Variants in ST18 observed in about 807,000 individuals in gnomAD.
ST18 encodes the protein ST18 C2H2C-type zinc finger transcription factor.
ST18 carries 50 observed loss-of-function variants against 110.0 expected under a neutral mutation model. The observed-to-expected ratio is 0.45, with a 90% CI of 0.36 to 0.58. The LOEUF (loss-of-function observed/expected upper bound fraction) is 0.58, where lower values mean the gene tolerates loss of function less well. ST18 is among the 20% of genes least tolerant of loss of function. ST18 has a pLI of 0.00. For missense variants in ST18, 1,306 were observed against 1,280.1 expected (o/e 1.02, Z -0.31); for synonymous variants, 461 against 452.4 (o/e 1.02, Z -0.24).
intron 2 of ST18, among the ~76,000 whole-genome samples, chr8:52,369,731 A>T (rs1047396589): frequency 2.8e-4 from 42 of 152,244 alleles, no homozygotes; most frequent in African/African-American, 9.9e-4. Context: ...ACATAAACGT[A>T]TTGATTCCAG....
intron 2 of ST18, among the ~76,000 whole-genome samples, chr8:52,247,704 C>T (rs2138069199): frequency 6.6e-6 from 1 of 152,274 alleles, no homozygotes; most frequent in East Asian, 1.9e-4. Flanking sequence ...GAACTAGTTG[C>T]ACAACTGCCT....
chr8:52,169,916 A>T (rs540858875), intron 10 of ST18, among the ~76,000 whole-genome samples: 1 of 152,328 alleles, frequency 6.6e-6, no homozygotes, highest in Non-Finnish European at 1.5e-5. Context: ...CAATTGGCCC[A>T]AATGTTTACA....
chr8:52,375,815 GCCGCAGGTCTTCACCAGCTCCC>G (rs375273718), intron 2 of ST18, among the ~76,000 whole-genome samples: 2,641 of 152,230 alleles, frequency 0.017, 79 homozygotes, highest in African/African-American at 0.06. Context: ...CCCGGACTGA[GCCGCAGGTCTTCACCAGCTCCC>G]CCGCAGCTCT....
At chr8:52,211,765 G>A (rs2082250361) in intron 8 of ST18, among the ~76,000 whole-genome samples, 1 of 152,160 alleles carries the variant, frequency 6.6e-6, no homozygotes, top group African/African-American at 2.4e-5. Flanking sequence ...CTGACCATCA[G>A]TGTGAAATCC....
chr8:52,150,875 G>T (rs2058647321), intron 15 of ST18: 1 of 152,154 alleles, frequency 6.6e-6, no homozygotes, highest in South Asian at 2.1e-4. Flanking sequence ...CCAGCAAACT[G>T]CTCACGTGCC....
chr8:52,371,100 T>C (rs1037017022), intron 2 of ST18, among the ~76,000 whole-genome samples: 1 of 152,206 alleles, frequency 6.6e-6, no homozygotes, highest in African/African-American at 2.4e-5. Context: ...ACTGGTATCC[T>C]ATTGTTTAAC....
At chr8:52,268,160 C>G (rs539755292) in intron 2 of ST18, among the ~76,000 whole-genome samples, 9 of 152,316 alleles carry the variant, frequency 5.9e-5, no homozygotes, top group Middle Eastern at 3.4e-3. Flanking sequence ...GAATCCTCAT[C>G]CTTCTTTATC....
At chr8:52,356,116 G>A (rs1020372068) in intron 2 of ST18, among the ~76,000 whole-genome samples, 1 of 152,156 alleles carries the variant, frequency 6.6e-6, no homozygotes, top group African/African-American at 2.4e-5. Flanking sequence ...AGAGTTGGAT[G>A]TATGTTCTGA....
Position 52,118,592 on chromosome 8 carries a change from T to C in ST18, c.2756-151A>G, listed in dbSNP as rs756102860. The C allele has an allele frequency of 1.6e-4, 84 of 512,762 alleles. 1 individual carries two copies. The highest frequency in any genetic ancestry group is 2.5e-4 in the Non-Finnish European group (74 of 297,006). 31.8% of individuals were successfully genotyped at this position (512,762 alleles called of 1,614,324 possible). Reference sequence around the variant, plus strand: ...ATATCTAGGATTCTGAAAAAGTGGATAAGAGAAGTTACAGATTTAATTTAT... The same window carrying C: ...ATATCTAGGATTCTGAAAAAGTGGACAAGAGAAGTTACAGATTTAATTTAT... On this transcript the variant is annotated intron_variant, in intron 23 of 25. Transcript: ENST00000689386.
intron 2 of ST18, among the ~76,000 whole-genome samples, chr8:52,364,621 A>G (rs948623920): frequency 6.6e-6 from 1 of 152,186 alleles, no homozygotes; most frequent in African/African-American, 2.4e-5. Context: ...ACCAACATGT[A>G]TTTTTCACTA....
chr8:52,304,625 T>C (rs934247551), intron 2 of ST18, among the ~76,000 whole-genome samples: 1 of 152,244 alleles, frequency 6.6e-6, no homozygotes, highest in Non-Finnish European at 1.5e-5. Context: ...TTGTTGGATT[T>C]AGGATGATTT....
Position 52,149,877 on chromosome 8 carries a change from G to C in ST18, c.1907C>G (p.Ser636Cys). 6.2e-7 allele frequency: 1 copy of C among 1,614,190 alleles called. No individual in the cohort carries two copies. The highest frequency in any genetic ancestry group is 8.5e-7 in the Non-Finnish European group (1 of 1,180,040). The change falls in exon 16 of 26, where the codon TCT (serine) becomes TGT (cysteine). Residue 636 changes from serine (S) to cysteine (C), a missense_variant. Transcript: ENST00000689386. ...KSAPLTSSNT[S>C]IPTPSSSPFK... ...TGGGGAAGAGGAAGGAGTTGGAATA[G>C]AAGTGTTAGAGGAAGTTAGGGGTGC...
intron 10 of ST18, among the ~76,000 whole-genome samples, chr8:52,170,564 ATT>A (rs1389705016): frequency 6.6e-6 from 1 of 152,058 alleles, no homozygotes; most frequent in Non-Finnish European, 1.5e-5. Flanking sequence ...GATTTCGGGA[ATT>A]TTGAGTAAAT....
chr8:52,273,957 A>G (rs1437863291), intron 2 of ST18, among the ~76,000 whole-genome samples: 3 of 152,224 alleles, frequency 2.0e-5, no homozygotes, highest in Non-Finnish European at 4.4e-5. Flanking sequence ...AATGCTTCAG[A>G]TGAGTTCAGC....
chr8:52,339,873 C>A (rs1268910808), intron 2 of ST18, among the ~76,000 whole-genome samples: 1 of 152,210 alleles, frequency 6.6e-6, no homozygotes, highest in African/African-American at 2.4e-5. Flanking sequence ...TCTTCCCACG[C>A]CTATTAAGTT....
chr8:52,177,540 G>C (rs912260855), intron 9 of ST18, among the ~76,000 whole-genome samples: 2 of 152,092 alleles, frequency 1.3e-5, no homozygotes, highest in African/African-American at 2.4e-5. Context: ...CCTAGGGGGT[G>C]GGGGGTAACT....
rs371134666 is a variant in ST18 at position 52,212,128 on chromosome 8, A to T, written c.56-19T>A. On this transcript the variant is annotated intron_variant, in intron 7 of 25. Coordinates refer to ENST00000689386, the MANE Select transcript of ST18 (RefSeq NM_001352837.2). ...ATTGGCACTGTTGACAAAAGAAGAA[A>T]AAAAAGAAGACTTAATCAGTTGATA... The T allele has an allele frequency of 3.8e-6, 6 of 1,596,124 alleles. No individual in the cohort carries two copies. Among genetic ancestry groups the T allele is most frequent in the Non-Finnish European group, 5.1e-6 (6 of 1,176,284 alleles).
At chr8:52,170,660 T>C (rs2064608808) in intron 10 of ST18, among the ~76,000 whole-genome samples, 1 of 152,104 alleles carries the variant, frequency 6.6e-6, no homozygotes, top group Admixed American at 6.5e-5. Flanking sequence ...CAGAGCTAGA[T>C]ACAGTGTCCT....
At chr8:52,235,851 A>G (rs2137222878) in intron 2 of ST18, among the ~76,000 whole-genome samples, 1 of 152,308 alleles carries the variant, frequency 6.6e-6, no homozygotes, top group South Asian at 2.1e-4. Context: ...GGATATTAAC[A>G]TTGAAGGACC....
Sources: allele counts gnomAD v4.1 joint callset (sites outside exome capture counted in the v4.1 genomes callset), GRCh38; gene constraint gnomAD v4.1.1; transcripts MANE v1.5; gene names NCBI Gene and HGNC (gene_info 2026-07-23, HGNC 2026-07-21).